DPYD: variants seen among roughly 807,000 people sequenced by gnomAD.
DPYD encodes dihydropyrimidine dehydrogenase [NADP(+)].
DPYD carries 109 observed loss-of-function variants against 116.2 expected under a neutral mutation model. The ratio of observed to expected loss-of-function variants is 0.94; its 90% confidence interval spans 0.80 to 1.10. DPYD has a LOEUF of 1.10. DPYD is among the 50% of genes least tolerant of loss of function. DPYD has a pLI of 0.00. For synonymous variants in DPYD, 440 were observed against 432.0 expected, an observed-to-expected ratio of 1.02 and a Z score of -0.23; for missense variants, 1,302 against 1,254.5, an observed-to-expected ratio of 1.04 and a Z score of -0.57.
At chr1:97,571,013 C>T (rs866391509) in intron 11 of DPYD, among the ~76,000 whole-genome samples, 25 of 151,886 alleles carry the variant, frequency 1.6e-4, no homozygotes, top group African/African-American at 5.3e-4. Context: ...GGAAATAGTG[C>T]CTACTGTAAG....
chr1:97,260,348 T>C (rs1041643520), intron 18 of DPYD, among the ~76,000 whole-genome samples: 1 of 152,212 alleles, frequency 6.6e-6, no homozygotes, highest in East Asian at 1.9e-4. Context: ...TGTATCTTTT[T>C]TGGTAATGAA....
rs1173797240 is a variant in DPYD, at chr1:97,616,665, G to A, written c.851-21499C>T. On this transcript the variant is annotated intron_variant, in intron 8 of 22. Transcript: ENST00000370192. The stretch of plus-strand genomic sequence containing the variant: ...AAATTACTTAAGTGCTTAGATAACC[G>A]TGATAACACAAAAAATAGAGACCTA... Among the ~76,000 whole-genome samples the A allele has an allele frequency of 3.9e-5, 6 of 151,994 alleles. No individual in the cohort carries two copies. In the East Asian group the frequency reaches 5.8e-4, roughly 15 times the overall value.
At chr1:97,384,365 G>GT (rs201004009) in intron 14 of DPYD, among the ~76,000 whole-genome samples, 109 of 149,550 alleles carry the variant, frequency 7.3e-4, no homozygotes, top group Admixed American at 1.4e-3. Context: ...TGTCTTTAAA[G>GT]TTTTTTTTTT....
At chr1:97,866,804 A>G (rs1457823687) in intron 2 of DPYD, among the ~76,000 whole-genome samples, 1 of 151,874 alleles carries the variant, frequency 6.6e-6, no homozygotes, top group Non-Finnish European at 1.5e-5. Context: ...AAGGAAGTGC[A>G]GTATGTATAT....
Position 97,699,507 on chromosome 1 carries a change from G to C in DPYD, c.524C>G (p.Ser175Trp), listed in dbSNP as rs371792178. 5.0e-6 allele frequency: 8 copies of C among 1,613,474 alleles called. No individual in the cohort carries two copies. The highest frequency in any genetic ancestry group is 1.7e-5 in the Admixed American group (1 of 59,964). The change falls in exon 6 of 23, where the codon TCG becomes TGG. Residue 175 changes from serine (S) to tryptophan (W), a missense_variant. Physicochemically the swap from Ser to Trp is radical, Grantham distance 177. Coordinates refer to ENST00000370192, the MANE Select transcript of DPYD (RefSeq NM_000110.4). The part of the protein sequence containing the change: ...AMSIPQIRNP[S>W]LPPPEKMSEA... Reference sequence around the variant, plus strand: ...AGACATTTTTTCTGGGGGAGGCAGCGAAGGATTTCTGATCTGTGGGATACT... The same window carrying C: ...AGACATTTTTTCTGGGGGAGGCAGCCAAGGATTTCTGATCTGTGGGATACT...
chr1:97,620,382 ATATT>A (rs148305959), intron 8 of DPYD, among the ~76,000 whole-genome samples: 184 of 151,986 alleles, frequency 1.2e-3, no homozygotes, highest in African/African-American at 4.1e-3. Flanking sequence ...ACTCCACTAT[ATATT>A]TATTTATTTG....
At chr1:97,438,701 G>A (rs1675597540) in intron 14 of DPYD, among the ~76,000 whole-genome samples, 1 of 151,648 alleles carries the variant, frequency 6.6e-6, no homozygotes, top group Admixed American at 6.6e-5. Flanking sequence ...GTGTTTTACT[G>A]TAATTAAAAA....
At position 97,818,762 on chromosome 1, in the gene DPYD, G is replaced by A. The variant is rs184465815; in HGVS notation, c.233+9352C>T. Among the ~76,000 whole-genome samples the A allele has an allele frequency of 1.3e-3, 200 of 151,872 alleles. No homozygotes were observed. In the Middle Eastern group the frequency reaches 0.024, roughly 18 times the overall value. ...CAGATAATACCAAATGTGTGTATCC[G>A]TGTGTGTGCATGTGTATATATGTGT... On this transcript the variant is annotated intron_variant, in intron 3 of 22. Transcript: ENST00000370192.
intron 8 of DPYD, among the ~76,000 whole-genome samples, chr1:97,642,041 C>T (rs1435607006): frequency 3.9e-5 from 6 of 152,068 alleles, no homozygotes; most frequent in Admixed American, 3.9e-4. Context: ...ATACAAATTA[C>T]AAGGGGTGTG....
At chr1:97,652,945 G>A (rs76278687) in intron 8 of DPYD, among the ~76,000 whole-genome samples, 2,712 of 151,874 alleles carry the variant, frequency 0.018, 28 homozygotes, top group Middle Eastern at 0.024. Context: ...TTTCCAAATC[G>A]CCCTCTTCTT....
intron 20 of DPYD, among the ~76,000 whole-genome samples, chr1:97,169,766 G>A (rs1195425499): frequency 6.6e-6 from 1 of 152,020 alleles, no homozygotes; most frequent in Non-Finnish European, 1.5e-5. Flanking sequence ...AATCCTCCCT[G>A]TTGATGACTG....
intron 12 of DPYD, among the ~76,000 whole-genome samples, chr1:97,545,014 C>A (rs908892713): frequency 6.6e-6 from 1 of 151,786 alleles, no homozygotes; most frequent in Non-Finnish European, 1.5e-5. Context: ...GATTTCTGGT[C>A]AATCAAAATT....
At chr1:97,110,946 T>G (rs1487207637) in intron 20 of DPYD, among the ~76,000 whole-genome samples, 1 of 151,974 alleles carries the variant, frequency 6.6e-6, no homozygotes, top group Non-Finnish European at 1.5e-5. Context: ...GGCGGGAGGA[T>G]AACTTGAGCC....
At chr1:97,376,795 GA>G (rs1337684218) in intron 15 of DPYD, among the ~76,000 whole-genome samples, 1 of 151,484 alleles carries the variant, frequency 6.6e-6, no homozygotes, top group Non-Finnish European at 1.5e-5. Context: ...AGTGACATAG[GA>G]AATACACTGT....
intron 2 of DPYD, among the ~76,000 whole-genome samples, chr1:97,857,524 T>A (rs915057746): frequency 2.0e-5 from 3 of 152,100 alleles, no homozygotes; most frequent in African/African-American, 7.2e-5. Flanking sequence ...GAAGCCTCCA[T>A]AAAAACCCAA....
chr1:97,471,629 C>T (rs1677663928), intron 13 of DPYD, among the ~76,000 whole-genome samples: 1 of 150,906 alleles, frequency 6.6e-6, no homozygotes, highest in South Asian at 2.1e-4. Flanking sequence ...TGCTCTGTCG[C>T]CCAGGCTGGA....
chr1:97,261,318 T>A (rs577577531), intron 18 of DPYD, among the ~76,000 whole-genome samples: 2 of 151,976 alleles, frequency 1.3e-5, no homozygotes, highest in African/African-American at 2.4e-5. Flanking sequence ...TTAGAATACA[T>A]TATTTTTATG....
chr1:97,234,877 A>G lies in DPYD; in HGVS notation c.2417T>C (p.Leu806Pro). 6.2e-7 allele frequency: 1 copy of G among 1,614,016 alleles called. No individual in the cohort carries two copies. The highest frequency in any genetic ancestry group is 1.1e-5 in the South Asian group (1 of 91,060). The change falls in exon 19 of 23, where the codon CTC (leucine) becomes CCC (proline). Residue 806 changes from leucine (L) to proline (P), a missense_variant. By Grantham distance (98) the Leu-to-Pro change is moderately conservative. Coordinates refer to ENST00000370192, the MANE Select transcript of DPYD (RefSeq NM_000110.4). ...CTGGAGGACGGAAGCACCACTATGG[A>G]GAAACTGAAGACCACTTTCAGCAGA... ...IDSAESGLQFLHSGASVLQVC... is the reference protein window; with the variant it reads ...IDSAESGLQFPHSGASVLQVC...
chr1:97,232,143 T>C (rs1380704380), intron 19 of DPYD, among the ~76,000 whole-genome samples: 2 of 152,202 alleles, frequency 1.3e-5, no homozygotes, highest in African/African-American at 4.8e-5. Flanking sequence ...CAGCCGAGAA[T>C]GTCTTGATTT....
Sources: gnomAD v4.1 joint callset for allele counts (sites outside exome capture counted in the v4.1 genomes callset) on GRCh38, gnomAD v4.1.1 for gene constraint, MANE v1.5 for transcripts, NCBI Gene and HGNC (gene_info 2026-07-23, HGNC 2026-07-21) for gene names.